UBE2V1: variants seen among roughly 807,000 people sequenced by gnomAD.
UBE2V1 encodes ubiquitin conjugating enzyme E2 V1.
A neutral mutation model predicts 19.6 loss-of-function variants in UBE2V1; 15 were observed. The ratio of observed to expected loss-of-function variants is 0.77; its 90% CI spans 0.51 to 1.18. UBE2V1 has a LOEUF of 1.18. Among genes scored for constraint, UBE2V1 ranks in the 50% most tolerant of loss-of-function variants. The pLI, the probability that UBE2V1 is intolerant of heterozygous loss-of-function variation, is 0.00. For missense variants in UBE2V1, 125 were observed against 184.8 expected (o/e 0.68, Z 1.88); for synonymous variants, 60 against 60.7 (o/e 0.99, Z 0.05).
At chr20:50,091,965 T>A (rs185786209) in intron 2 of UBE2V1, among the ~76,000 whole-genome samples, 244 of 152,280 alleles carry the variant, frequency 1.6e-3, no homozygotes, top group Middle Eastern at 3.4e-3. Flanking sequence ...TATGTTCAGT[T>A]CCTCTGAAGC....
intron 3 of UBE2V1, 45 bp downstream of exon 3, chr20:50,084,084 A>G: frequency 5.9e-6 from 9 of 1,535,860 alleles, no homozygotes; most frequent in Non-Finnish European, 7.8e-6. Context: ...AGTACAAAGC[A>G]ACTGTCAACT....
At position 50,081,954 on chromosome 20, in the gene UBE2V1, G is replaced by C. The variant is rs1456351686; in HGVS notation, c.*814C>G. The C allele has an allele frequency of 4.3e-6, 1 of 235,164 alleles. No individual in the cohort carries two copies. Among genetic ancestry groups the C allele is most frequent in the Non-Finnish European group, 8.2e-6 (1 of 121,912 alleles). 14.6% of individuals were successfully genotyped at this position (235,164 alleles called of 1,614,324 possible). A position where few individuals can be genotyped will look rare whatever the true frequency, so the allele number is the denominator to read the frequency against. On this transcript the variant is annotated 3_prime_UTR_variant, in exon 4 of 4. Transcript: ENST00000371674. ...ATGGTTCCAAAACTAAACAAGGGAG[G>C]TCAGAGGCTCTTTCCAACCTTACCT...
At chr20:50,111,353 C>T (rs965231281) in intron 1 of UBE2V1, 2 of 998,520 alleles carry the variant, frequency 2.0e-6, no homozygotes, top group Non-Finnish European at 2.4e-6. Flanking sequence ...TGTAGGTAGC[C>T]AACCGAGTGA....
intron 1 of UBE2V1, among the ~76,000 whole-genome samples, chr20:50,101,945 G>A (rs2147132085): frequency 6.6e-6 from 1 of 152,332 alleles, no homozygotes. Context: ...GACAAAAGAT[G>A]AAGAGGTTGG....
At position 50,084,197 on chromosome 20, in the gene UBE2V1, C is replaced by T; in HGVS notation, c.229G>A (p.Glu77Lys). 6.2e-7 allele frequency: 1 copy of T among 1,610,692 alleles called. No homozygotes were observed. Among genetic ancestry groups the T allele is most frequent in the Non-Finnish European group, 8.5e-7 (1 of 1,179,098 alleles). Residue 77 changes from glutamate (E) to lysine (K), a missense_variant, in exon 3 of 4, where the codon GAA (glutamate) becomes AAA (lysine). Transcript: ENST00000371674. ...LKIECGPKYP[E>K]APPFVRFVTK... ...ACAAATCTTACAAAGGGGGGTGCTT[C>T]TGGGTATTTAGGTCCACATTCTATT...
intron 1 of UBE2V1, among the ~76,000 whole-genome samples, chr20:50,108,664 G>A (rs2080548611): frequency 6.6e-6 from 1 of 152,192 alleles, no homozygotes; most frequent in Admixed American, 6.5e-5. Context: ...ACCCAAGAGT[G>A]CAACTTAAAA....
intron 2 of UBE2V1, among the ~76,000 whole-genome samples, chr20:50,094,385 A>G (rs1184672382): frequency 6.7e-6 from 1 of 149,562 alleles, no homozygotes; most frequent in African/African-American, 2.5e-5. Context: ...GTGTAGATAA[A>G]AAAATAAAAA....
intron 1 of UBE2V1, among the ~76,000 whole-genome samples, chr20:50,112,550 G>A (rs1302365539): frequency 6.6e-6 from 1 of 152,088 alleles, no homozygotes; most frequent in Non-Finnish European, 1.5e-5. Flanking sequence ...TATTTCCTCA[G>A]CTAACCCCAT....
upstream of UBE2V1, chr20:50,115,395 G>T: frequency 7.2e-7 from 1 of 1,381,724 alleles, no homozygotes; most frequent in South Asian, 1.8e-5. Context: ...GTTTGCTTTG[G>T]GGAGCACAGA....
upstream of UBE2V1, among the ~76,000 whole-genome samples, chr20:50,114,076 C>T (rs1463126439): frequency 2.0e-5 from 3 of 152,154 alleles, no homozygotes; most frequent in Admixed American, 2.0e-4. Context: ...GAGGGAACAG[C>T]TTGTGCAAAG....
upstream of UBE2V1, chr20:50,115,687 G>A: frequency 8.2e-7 from 1 of 1,219,770 alleles, no homozygotes; most frequent in Non-Finnish European, 1.0e-6. Context: ...CACTAGAAGA[G>A]CTCATAATTA....
At chr20:50,108,049 T>C (rs1296233743) in intron 1 of UBE2V1, among the ~76,000 whole-genome samples, 2 of 152,058 alleles carry the variant, frequency 1.3e-5, no homozygotes, top group Admixed American at 6.5e-5. Flanking sequence ...CAGGGCCTTG[T>C]GGGCCATGGA....
intron 1 of UBE2V1, among the ~76,000 whole-genome samples, chr20:50,097,638 AG>A (rs2079716089): frequency 6.6e-6 from 1 of 152,170 alleles, no homozygotes; most frequent in Admixed American, 6.6e-5. Context: ...CATCTCTCCT[AG>A]GGTTGCACTC....
At chr20:50,086,731 A>C (rs1568972089) in intron 2 of UBE2V1, among the ~76,000 whole-genome samples, 1 of 146,758 alleles carries the variant, frequency 6.8e-6, no homozygotes, top group African/African-American at 2.5e-5. Context: ...GGAAGACAGT[A>C]AAAAAAAAAG....
At chr20:50,104,684 T>C (rs1326607999) in intron 1 of UBE2V1, among the ~76,000 whole-genome samples, 1 of 141,270 alleles carries the variant, frequency 7.1e-6, no homozygotes, top group African/African-American at 2.7e-5. Flanking sequence ...AAAATTAACA[T>C]ACCTAAGGTT....
upstream of UBE2V1, among the ~76,000 whole-genome samples, chr20:50,114,328 C>T (rs1000837819): frequency 6.6e-6 from 1 of 152,134 alleles, no homozygotes; most frequent in African/African-American, 2.4e-5. Flanking sequence ...ATAGCAGTGC[C>T]TACTCTGCAT....
chr20:50,086,881 T>C (rs755638105), intron 2 of UBE2V1, among the ~76,000 whole-genome samples: 48 of 152,066 alleles, frequency 3.2e-4, no homozygotes, highest in Non-Finnish European at 4.1e-4. Context: ...ATCGAGACCA[T>C]CCTGGCTAAC....
At chr20:50,105,796 G>A (rs1363668997) in intron 1 of UBE2V1, among the ~76,000 whole-genome samples, 2 of 152,154 alleles carry the variant, frequency 1.3e-5, no homozygotes, top group Non-Finnish European at 2.9e-5. Flanking sequence ...CAGTTGTGGT[G>A]GCACATGCCT....
intron 1 of UBE2V1, chr20:50,111,184 C>G (rs894962726): frequency 2.0e-4 from 189 of 944,584 alleles, no homozygotes; most frequent in Non-Finnish European, 1.9e-4. Context: ...TAGGGCACCT[C>G]AAAGCCTGTC....
Sources: allele counts gnomAD v4.1 joint callset (sites outside exome capture counted in the v4.1 genomes callset), GRCh38; gene constraint gnomAD v4.1.1; transcripts MANE v1.5; gene names NCBI Gene and HGNC (gene_info 2026-07-23, HGNC 2026-07-21).